Variants in DMD observed in about 807,000 individuals in gnomAD.
DMD encodes dystrophin, also known as mutant dystrophin.
In DMD, 63 loss-of-function variants were observed where a neutral mutation model predicts 330.1. The ratio of observed to expected loss-of-function variants is 0.19; its 90% CI spans 0.16 to 0.24. DMD has a LOEUF of 0.24. Ranked by LOEUF, DMD falls within the 10% of genes least tolerant of loss-of-function variation. The pLI, the probability that DMD is intolerant of heterozygous loss-of-function variation, is 1.00. For synonymous variants in DMD, 1,223 were observed against 959.8 expected (o/e 1.27, Z -5.07); for missense variants, 3,344 against 2,684.1 (o/e 1.25, Z -5.43).
In DMD at chrX:31,235,141, A is replaced by G. The variant is rs1453165008; in HGVS notation, c.9287-12020T>C. Among the ~76,000 whole-genome samples the G allele has an allele frequency of 3.6e-5, 4 of 111,831 alleles. No homozygotes were observed. In the East Asian group the frequency reaches 1.1e-3, roughly 31 times the overall value. Reference sequence around the variant, plus strand: ...AGGTGGGCCTAGGAGAAGGTTCAGGAGTCTGGCTGAAGTTTGATCAAGTAG... The same window carrying G: ...AGGTGGGCCTAGGAGAAGGTTCAGGGGTCTGGCTGAAGTTTGATCAAGTAG... On this transcript the variant is annotated intron_variant, in intron 63 of 78. Coordinates refer to ENST00000357033, the MANE Select transcript of DMD (RefSeq NM_004006.3).
At chrX:31,743,882 G>C (rs1167897368) in intron 51 of DMD, among the ~76,000 whole-genome samples, 2 of 109,255 alleles carry the variant, frequency 1.8e-5, no homozygotes, top group Non-Finnish European at 3.8e-5. Context: ...TTCCACACAG[G>C]GTCTTGCTCT....
intron 7 of DMD, among the ~76,000 whole-genome samples, chrX:32,767,435 TAA>T (rs2073117578): frequency 8.9e-6 from 1 of 111,902 alleles, no homozygotes; most frequent in African/African-American, 3.2e-5. Flanking sequence ...CTTCATTTGT[TAA>T]GACTGTAAGT....
At chrX:32,924,974 TA>T (rs2088828197) in intron 2 of DMD, among the ~76,000 whole-genome samples, 2 of 110,521 alleles carry the variant, frequency 1.8e-5, no homozygotes, top group Non-Finnish European at 3.8e-5. Context: ...ATATTAAGTA[TA>T]ACCTGAATAT....
At chrX:31,510,662 C>T (rs1358513741) in intron 55 of DMD, among the ~76,000 whole-genome samples, 3 of 109,129 alleles carry the variant, frequency 2.7e-5, no homozygotes, top group Admixed American at 9.8e-5. Context: ...CGCCCGCCAC[C>T]ACGCCTGGCT....
At chrX:32,123,202 CAT>C (rs59017074) in intron 44 of DMD, among the ~76,000 whole-genome samples, 5,530 of 32,225 alleles carry the variant, frequency 0.17, 304 homozygotes, top group Non-Finnish European at 0.2. Context: ...TGTGAGCATG[CAT>C]ATATATATAT....
intron 43 of DMD, among the ~76,000 whole-genome samples, chrX:32,284,120 A>G (rs757067423): frequency 9.0e-6 from 1 of 111,555 alleles, no homozygotes; most frequent in Non-Finnish European, 1.9e-5. Context: ...GTTTCTGCCC[A>G]TTGTTAAACC....
At chrX:33,105,824 G>A (rs1399886581) in intron 1 of DMD, among the ~76,000 whole-genome samples, 1 of 111,564 alleles carries the variant, frequency 9.0e-6, no homozygotes, top group Admixed American at 9.6e-5. Context: ...TACTGCTGGT[G>A]GAAGTGTAAA....
rs906811892 is a variant in DMD, at chrX:32,478,962, G to A, written c.2803+5957C>T. ...ATACTGCTCTATTATTCACCTCCTG[G>A]ACAACTGATTTATTTTCCAGGTAAG... On this transcript the variant is annotated intron_variant, in intron 21 of 78. Transcript: ENST00000357033. 2.7e-5 allele frequency among the ~76,000 whole-genome samples: 3 copies of A among 110,851 alleles called. No homozygotes were observed. In the South Asian group the frequency reaches 1.1e-3, roughly 42 times the overall value.
chrX:32,565,602 A>G, intron 16 of DMD, 100 bp downstream of exon 16: 1 of 877,607 alleles, frequency 1.1e-6, no homozygotes, highest in Non-Finnish European at 1.6e-6. Context: ...GGCAAAAACT[A>G]ATCTGGTTGC....
chrX:32,726,809 T>C (rs1188603476), intron 7 of DMD, among the ~76,000 whole-genome samples: 3 of 110,763 alleles, frequency 2.7e-5, no homozygotes, highest in Non-Finnish European at 5.7e-5. Context: ...TTATCACATA[T>C]TCAAAGAAAT....
chrX:32,418,238 C>T (rs1288375398), intron 29 of DMD, among the ~76,000 whole-genome samples: 1 of 111,290 alleles, frequency 9.0e-6, no homozygotes, highest in African/African-American at 3.3e-5. Context: ...ACGCATCAAA[C>T]TACTAACACA....
intron 6 of DMD, among the ~76,000 whole-genome samples, chrX:32,810,070 C>A (rs746134320): frequency 9.7e-4 from 107 of 110,373 alleles, no homozygotes; most frequent in African/African-American, 3.5e-3. Context: ...GTTCAGTGAA[C>A]CATAATCGTG....
chrX:31,586,265 T>A (rs1286547245), intron 55 of DMD, among the ~76,000 whole-genome samples: 1 of 112,605 alleles, frequency 8.9e-6, no homozygotes, highest in African/African-American at 3.2e-5. Flanking sequence ...GGACAATGAT[T>A]AGCAAAGATA....
At chrX:33,265,930 T>C (rs1328869578) in intron 1 of DMD, among the ~76,000 whole-genome samples, 1 of 111,636 alleles carries the variant, frequency 9.0e-6, no homozygotes, top group African/African-American at 3.2e-5. Flanking sequence ...TTATTCCAGA[T>C]AAGAAGACCC....
chrX:32,429,493 C>A (rs927420760), intron 29 of DMD, among the ~76,000 whole-genome samples: 1 of 98,145 alleles, frequency 1.0e-5, no homozygotes, highest in Admixed American at 1.2e-4. Flanking sequence ...GGGATTAAGG[C>A]ATGAGCTACC....
intron 25 of DMD, among the ~76,000 whole-genome samples, chrX:32,460,003 C>T (rs754523139): frequency 3.7e-4 from 41 of 110,221 alleles, no homozygotes; most frequent in Middle Eastern, 4.7e-3. Flanking sequence ...AGAAAAATAA[C>T]GATTTTATGA....
intron 9 of DMD, among the ~76,000 whole-genome samples, chrX:32,661,901 A>G (rs930598677): frequency 5.4e-5 from 6 of 111,587 alleles, no homozygotes; most frequent in African/African-American, 1.6e-4. Flanking sequence ...TGCAGCAAAT[A>G]TTACTGGGAT....
At chrX:32,628,659 T>C (rs1023794940) in intron 11 of DMD, among the ~76,000 whole-genome samples, 1 of 110,809 alleles carries the variant, frequency 9.0e-6, no homozygotes, top group Admixed American at 9.7e-5. Flanking sequence ...TTTATACCTA[T>C]AAACTTTCCT....
At chrX:31,219,936 A>G (rs1436207340) in intron 64 of DMD, among the ~76,000 whole-genome samples, 2 of 110,900 alleles carry the variant, frequency 1.8e-5, no homozygotes, top group African/African-American at 6.6e-5. Flanking sequence ...CCATGAGATT[A>G]CACTATTATA....
Sources: allele counts gnomAD v4.1 joint callset (sites outside exome capture counted in the v4.1 genomes callset), GRCh38; gene constraint gnomAD v4.1.1; transcripts MANE v1.5; gene names NCBI Gene and HGNC (gene_info 2026-07-23, HGNC 2026-07-21).